The following TTC3 variants were observed in gnomAD, a reference collection of about 807,000 sequenced individuals.
The protein encoded by TTC3 is tetratricopeptide repeat domain 3.
In TTC3, 180 loss-of-function variants were observed where a neutral mutation model predicts 249.6. The observed-to-expected ratio is 0.72, with a 90% CI of 0.64 to 0.82. The LOEUF (loss-of-function observed/expected upper bound fraction) is 0.82, where lower values mean the gene tolerates loss of function less well. TTC3 is among the 40% of genes least tolerant of loss of function. TTC3 has a pLI of 0.00. For missense variants in TTC3, 2,061 were observed against 2,398.4 expected (o/e 0.86, Z 2.94); for synonymous variants, 717 against 805.0 (o/e 0.89, Z 1.85).
At chr21:37,095,514 A>G in intron 9 of TTC3, 70 bp downstream of exon 9, 1 of 1,047,836 alleles carries the variant, frequency 9.5e-7, no homozygotes, top group Non-Finnish European at 1.4e-6. Context: ...GTCAGAAGAA[A>G]TAAAAACAAG....
intron 1 of TTC3, among the ~76,000 whole-genome samples, chr21:37,074,048 C>T (rs751950431): frequency 6.6e-6 from 1 of 152,204 alleles, no homozygotes; most frequent in Non-Finnish European, 1.5e-5. Flanking sequence ...CGTTGGTGAG[C>T]GTGAACGTTC....
chr21:37,180,485 T>G (rs1433214519), intron 35 of TTC3, among the ~76,000 whole-genome samples: 1 of 151,292 alleles, frequency 6.6e-6, no homozygotes, highest in African/African-American at 2.4e-5. Flanking sequence ...CTGGAAATCA[T>G]CATTCTCAGT....
intron 35 of TTC3, among the ~76,000 whole-genome samples, chr21:37,178,917 T>C (rs8126491): frequency 0.53 from 80,714 of 151,612 alleles, 22,091 homozygotes; most frequent in African/African-American, 0.64. Context: ...GCCAGGATCA[T>C]GCCATTGCAC....
intron 10 of TTC3, among the ~76,000 whole-genome samples, chr21:37,104,606 A>AG (rs1555865035): frequency 7.8e-4 from 117 of 150,842 alleles, no homozygotes; most frequent in Middle Eastern, 3.4e-3. Flanking sequence ...AAAAAAAAAA[A>AG]AAAGAAAGAA....
At chr21:37,114,005 A>T (rs1440110424) in intron 11 of TTC3, among the ~76,000 whole-genome samples, 1 of 152,186 alleles carries the variant, frequency 6.6e-6, no homozygotes, top group Non-Finnish European at 1.5e-5. Flanking sequence ...CTGAAACTGG[A>T]TCCCTTCCTT....
intron 8 of TTC3, 98 bp from the exon 9 acceptor site, chr21:37,095,252 T>C (rs1403108427): frequency 4.1e-6 from 3 of 731,882 alleles, no homozygotes; most frequent in Non-Finnish European, 7.0e-6. Flanking sequence ...TTATTTCTGA[T>C]ATCGAAGATA....
intron 34 of TTC3, among the ~76,000 whole-genome samples, chr21:37,169,860 A>C (rs543431034): frequency 1.4e-4 from 22 of 151,728 alleles, no homozygotes; most frequent in African/African-American, 4.1e-4. Context: ...AAAAAAAAAA[A>C]CAAAAAACAA....
chr21:37,121,767 T>A lies in TTC3; in HGVS notation c.901-50T>A, dbSNP rs201204236. 7.4e-6 allele frequency: 11 copies of A among 1,484,738 alleles called. No homozygotes were observed. In the African/African-American group the frequency reaches 1.4e-4, roughly 19 times the overall value. 92.0% of individuals were successfully genotyped at this position (1,484,738 alleles called of 1,614,324 possible). ...AACATTTTTCCTTACCTGTTTTCTT[T>A]AACTTAAGCATATTTTTGAGAAAAA... On this transcript the variant is annotated intron_variant, in intron 11 of 45. Transcript: ENST00000355666.
chr21:37,136,208 C>T (rs1037187168), intron 18 of TTC3, among the ~76,000 whole-genome samples: 4 of 152,048 alleles, frequency 2.6e-5, no homozygotes, highest in African/African-American at 4.8e-5. Flanking sequence ...AATTAATGAC[C>T]CTACAATGGC....
chr21:37,136,352 C>T lies in TTC3; in HGVS notation c.1578+838C>T, dbSNP rs181013222. ...AAGCTAGTCCTCTTGTGCCAAATAG[C>T]CAAATTGTGAATGCAAAGAAACAGT... On this transcript the variant is annotated intron_variant, in intron 18 of 45. Coordinates refer to ENST00000355666, the Ensembl canonical transcript of TTC3. 1.7e-3 allele frequency among the ~76,000 whole-genome samples: 257 copies of T among 152,262 alleles called. 2 individuals are homozygous for T. The highest frequency in any genetic ancestry group is 2.5e-3 in the Admixed American group (38 of 15,296).
chr21:37,139,683 A>C (rs1446440599), intron 19 of TTC3, among the ~76,000 whole-genome samples: 1 of 152,192 alleles, frequency 6.6e-6, no homozygotes, highest in Non-Finnish European at 1.5e-5. Context: ...ACAGTTGGAG[A>C]CAGAACTTCA....
At chr21:37,156,225 TA>T (rs1313983112) in intron 27 of TTC3, among the ~76,000 whole-genome samples, 1 of 142,836 alleles carries the variant, frequency 7.0e-6, no homozygotes, top group Non-Finnish European at 1.5e-5. Flanking sequence ...TTTGTAAAGA[TA>T]GGGGTCTTGC....
At chr21:37,178,933 C>T (rs1175114116) in intron 35 of TTC3, among the ~76,000 whole-genome samples, 1 of 151,916 alleles carries the variant, frequency 6.6e-6, no homozygotes, top group Non-Finnish European at 1.5e-5. Context: ...TGCACCCCAG[C>T]CTGGGCAACA....
chr21:37,081,050 G>A (rs1418957373), intron 1 of TTC3, among the ~76,000 whole-genome samples: 2 of 150,552 alleles, frequency 1.3e-5, no homozygotes, highest in Admixed American at 1.3e-4. Context: ...TCTGTCAGTA[G>A]GGTAGGAATA....
chr21:37,130,226 C>T (rs2077360979), intron 16 of TTC3, among the ~76,000 whole-genome samples: 1 of 151,886 alleles, frequency 6.6e-6, no homozygotes, highest in Admixed American at 6.6e-5. Flanking sequence ...GATGCTGCTA[C>T]AAAAATTAAA....
intron 9 of TTC3, among the ~76,000 whole-genome samples, chr21:37,096,379 G>T (rs1366547171): frequency 6.6e-6 from 1 of 152,170 alleles, no homozygotes; most frequent in Non-Finnish European, 1.5e-5. Context: ...GGAAGTTTAG[G>T]TTGGTTCAAA....
chr21:37,113,919 C>G (rs1341848240), intron 11 of TTC3, among the ~76,000 whole-genome samples: 3 of 152,060 alleles, frequency 2.0e-5, no homozygotes, highest in African/African-American at 4.8e-5. Flanking sequence ...ACAAACCTGA[C>G]AAAAACAAGC....
intron 39 of TTC3, among the ~76,000 whole-genome samples, chr21:37,190,368 T>C (rs925106040): frequency 2.0e-5 from 3 of 151,620 alleles, no homozygotes; most frequent in Non-Finnish European, 4.4e-5. Context: ...ACTCCTGACC[T>C]GGTGATCCGC....
intron 15 of TTC3, 117 bp from the exon 16 acceptor site, chr21:37,128,886 G>C: frequency 1.6e-6 from 1 of 641,326 alleles, no homozygotes; most frequent in Non-Finnish European, 2.5e-6. Context: ...TTACACCCAC[G>C]TACCACATTT....
Sources: gnomAD v4.1 joint callset for allele counts (sites outside exome capture counted in the v4.1 genomes callset) on GRCh38, gnomAD v4.1.1 for gene constraint, MANE v1.5 for transcripts, NCBI Gene and HGNC (gene_info 2026-07-23, HGNC 2026-07-21) for gene names.